The following TCF3 variants were observed in gnomAD, a reference collection of about 807,000 sequenced individuals.
TCF3 encodes the protein transcription factor E2-alpha.
TCF3 carries 54 observed loss-of-function variants against 72.3 expected under a neutral mutation model. The observed-to-expected ratio is 0.75, with a 90% CI of 0.60 to 0.94. TCF3 has a LOEUF of 0.94. Among genes scored for constraint, TCF3 ranks in the 40% least tolerant of loss-of-function variants. TCF3 has a pLI of 0.00. For missense variants in TCF3, 1,078 were observed against 934.4 expected, an observed-to-expected ratio of 1.15 and a Z score of -2.00; for synonymous variants, 525 against 412.6, an observed-to-expected ratio of 1.27 and a Z score of -3.30.
At chr19:1,635,695 A>G (rs2145104040) in intron 3 of TCF3, among the ~76,000 whole-genome samples, 1 of 152,332 alleles carries the variant, frequency 6.6e-6, no homozygotes, top group East Asian at 1.9e-4. Context: ...CGGGGACCAC[A>G]CTACCAACTG....
At chr19:1,648,428 G>T (rs2066467648) in intron 2 of TCF3, among the ~76,000 whole-genome samples, 1 of 152,188 alleles carries the variant, frequency 6.6e-6, no homozygotes. Context: ...CTCCGACCCG[G>T]GATGGGGAGA....
Position 1,611,174 on chromosome 19 carries a change from A to G in TCF3, c.*533T>C, listed in dbSNP as rs1414148197. On this transcript the variant is annotated 3_prime_UTR_variant, in exon 19 of 19. Coordinates refer to ENST00000262965, the MANE Select transcript of TCF3 (RefSeq NM_003200.5). ...TACATTAAGAAAAAAAAAATCTTGT[A>G]ACTAATGTTTTTATTTTCCTTAAAA... The G allele has an allele frequency of 4.1e-6, 1 of 245,116 alleles. No individual in the cohort carries two copies. Among genetic ancestry groups the G allele is most frequent in the African/African-American group, 2.2e-5 (1 of 45,766 alleles). 15.2% of individuals were successfully genotyped at this position (245,116 alleles called of 1,614,324 possible). A position where few individuals can be genotyped will look rare whatever the true frequency, so the allele number is the denominator to read the frequency against.
chr19:1,652,559 C>T lies in TCF3; in HGVS notation c.-299G>A, dbSNP rs1039321314. 1 of 146,036 alleles carries T rather than the reference C, an allele frequency of 6.8e-6. No homozygotes were observed. Among genetic ancestry groups the T allele is most frequent in the Admixed American group, 6.8e-5 (1 of 14,758 alleles). 9.0% of individuals were successfully genotyped at this position (146,036 alleles called of 1,614,324 possible). The stretch of plus-strand genomic sequence containing the variant: ...GCCCGCCGCCGCGTCGGCTCCGGCC[C>T]GCTACGCCCGCAGCCGCCGCCGCTG... On this transcript the variant is annotated 5_prime_UTR_variant, in exon 1 of 19. Transcript: ENST00000262965.
intron 2 of TCF3, among the ~76,000 whole-genome samples, chr19:1,649,007 C>A (rs1032651648): frequency 6.6e-6 from 1 of 152,248 alleles, no homozygotes; most frequent in African/African-American, 2.4e-5. Flanking sequence ...TCCAGCCTCA[C>A]TGCACCTGCC....
intron 2 of TCF3, among the ~76,000 whole-genome samples, chr19:1,647,510 C>G (rs1055676786): frequency 6.6e-6 from 1 of 152,188 alleles, no homozygotes; most frequent in Non-Finnish European, 1.5e-5. Context: ...GAAGGGGAAA[C>G]GGAGGCCGCA....
chr19:1,618,485 C>T (rs1054330105), intron 16 of TCF3, among the ~76,000 whole-genome samples: 11 of 152,100 alleles, frequency 7.2e-5, no homozygotes, highest in African/African-American at 2.2e-4. Context: ...CACAAGGCCC[C>T]GCATGACCTG....
Position 1,620,970 on chromosome 19 carries a change from G to T in TCF3, c.1091C>A (p.Ala364Glu). ...CTCCCCCCAAAACCCTCACAGACCT[G>T]CCAGGCCCTGGGGGGAGCCCACGGG... Reference protein sequence around the residue: ...STPVGSPQGLAGTSQWPRAGA... With the variant: ...STPVGSPQGLEGTSQWPRAGA... Residue 364 changes from alanine to glutamate, a missense_variant and splice_region_variant, in exon 13 of 19, where the codon GCA becomes GAA. Physicochemically the swap from Ala to Glu is moderately radical, Grantham distance 107 (BLOSUM62 -1). Transcript: ENST00000262965. The T allele has an allele frequency of 6.7e-7, 1 of 1,487,938 alleles. No individual in the cohort carries two copies. The highest frequency in any genetic ancestry group is 1.4e-5 in the African/African-American group (1 of 69,414). The allele number at this position is 1,487,938 out of a possible 1,614,324, so 92.2% of individuals were successfully genotyped here.
intron 3 of TCF3, among the ~76,000 whole-genome samples, chr19:1,641,190 G>C (rs528347315): frequency 4.6e-4 from 69 of 149,766 alleles, no homozygotes; most frequent in Non-Finnish European, 6.5e-4. Context: ...TAATGAGGCA[G>C]CAATAAAAAG....
chr19:1,617,352 C>A (rs760507596), intron 16 of TCF3, among the ~76,000 whole-genome samples: 3 of 152,258 alleles, frequency 2.0e-5, no homozygotes, highest in Admixed American at 2.0e-4. Context: ...ACCCCACACA[C>A]AACATAAGCC....
chr19:1,651,545 A>T (rs2067061200), intron 1 of TCF3, among the ~76,000 whole-genome samples: 1 of 152,186 alleles, frequency 6.6e-6, no homozygotes, highest in African/African-American at 2.4e-5. Flanking sequence ...TAAAACGGGC[A>T]TTCTACGGGA....
chr19:1,619,745 G>C, intron 14 of TCF3, 35 bp downstream of exon 14: 1 of 1,395,438 alleles, frequency 7.2e-7, no homozygotes, highest in East Asian at 2.6e-5. Flanking sequence ...AAATTCTGTC[G>C]GGGAAGGGTG....
chr19:1,614,657 G>A lies in TCF3; in HGVS notation c.1822+628C>T, dbSNP rs1368224189. On this transcript the variant is annotated intron_variant, in intron 18 of 18. Transcript: ENST00000262965. This position sits in a 1 kb window ranked among gnomAD's most constrained non-coding sequence, Gnocchi z 5.6. ...GTTAACGGGGTGCAGGCGAGGAAAG[G>A]AAGGAGTTAAGGAAGCAGCCGCCAG... Among the ~76,000 whole-genome samples the A allele has an allele frequency of 6.6e-6, 1 of 152,154 alleles. No homozygotes were observed. The highest frequency in any genetic ancestry group is 1.5e-5 in the Non-Finnish European group (1 of 68,012).
intron 3 of TCF3, among the ~76,000 whole-genome samples, chr19:1,645,564 C>A (rs892127943): frequency 6.6e-6 from 1 of 152,238 alleles, no homozygotes; most frequent in Non-Finnish European, 1.5e-5. Context: ...GCTCCCACGG[C>A]CCCTTCCTCT....
rs151201683 is a variant in TCF3, at chr19:1,613,711, G to A, written c.1822+1574C>T. On this transcript the variant is annotated intron_variant, in intron 18 of 18. Coordinates refer to ENST00000262965, the MANE Select transcript of TCF3 (RefSeq NM_003200.5). ...TGGAGCAAACCAGCTCCCATCCCCC[G>A]AGACCCCCACACCCTGGGGAGGAGC... Among the ~76,000 whole-genome samples the A allele has an allele frequency of 1.3e-3, 204 of 152,184 alleles. 1 individual carries two copies. The highest frequency in any genetic ancestry group is 4.6e-3 in the African/African-American group (190 of 41,510).
intron 3 of TCF3, among the ~76,000 whole-genome samples, chr19:1,636,040 C>T (rs1333089972): frequency 6.6e-6 from 1 of 152,222 alleles, no homozygotes; most frequent in Non-Finnish European, 1.5e-5. Context: ...GGGTCTGGCC[C>T]CTGCAGCTTG....
In TCF3 at chr19:1,611,749, G is replaced by A; in HGVS notation, c.1923C>T (p.His641=). 1.2e-6 allele frequency: 2 copies of A among 1,613,852 alleles called. No homozygotes were observed. Among genetic ancestry groups the A allele is most frequent in the Non-Finnish European group, 1.7e-6 (2 of 1,179,984 alleles). The change falls in exon 19 of 19, where the codon CAC becomes CAT. Residue 641 remains histidine, a synonymous_variant. Coordinates refer to ENST00000262965, the MANE Select transcript of TCF3 (RefSeq NM_003200.5). ...GDPQMVLSAP[H]PGLSEAHNPA... is the part of the protein sequence containing the mutation. ...GGTTGTGGGCTTCGCTCAGGCCTGG[G>A]TGGGGAGCTGAAAGCACCATCTGGG...
chr19:1,643,956 C>A (rs763272960), intron 3 of TCF3, among the ~76,000 whole-genome samples: 5 of 152,184 alleles, frequency 3.3e-5, no homozygotes, highest in African/African-American at 2.4e-5. Context: ...GGACTCCTGG[C>A]GAAGGGTGGC....
chr19:1,611,740 C>G lies in TCF3; in HGVS notation c.1932G>C (p.Leu644=), dbSNP rs552566095. Residue 644 remains leucine, a synonymous_variant, in exon 19 of 19, where the codon CTG becomes CTC. Coordinates refer to ENST00000262965, the MANE Select transcript of TCF3 (RefSeq NM_003200.5). ...GCCCGGCGGGGTTGTGGGCTTCGCT[C>G]AGGCCTGGGTGGGGAGCTGAAAGCA... ...QMVLSAPHPG[L]SEAHNPAGHM The G allele has an allele frequency of 3.0e-5, 48 of 1,613,678 alleles. No homozygotes were observed. In the East Asian group the frequency reaches 1.0e-3, roughly 34 times the overall value.
At position 1,610,105 on chromosome 19, in the gene TCF3, C is replaced by CT; in HGVS notation, c.*1601dup. The CT allele has an allele frequency of 4.3e-6, 1 of 232,696 alleles. No homozygotes were observed. The highest frequency in any genetic ancestry group is 8.5e-6 in the Non-Finnish European group (1 of 117,748). 14.4% of individuals were successfully genotyped at this position (232,696 alleles called of 1,614,324 possible). On this transcript the variant is annotated 3_prime_UTR_variant, in exon 19 of 19. Coordinates refer to ENST00000262965, the MANE Select transcript of TCF3 (RefSeq NM_003200.5). ...ACAGTCCCCAGCCAGCTGGGAAGAG[C>CT]TGGTTACCCTCATGGCAAAAGACCA...
Sources: allele counts gnomAD v4.1 joint callset (sites outside exome capture counted in the v4.1 genomes callset), GRCh38; gene constraint gnomAD v4.1.1; non-coding constraint Gnocchi (gnomAD v3.1); transcripts MANE v1.5; gene names NCBI Gene and HGNC (gene_info 2026-07-23, HGNC 2026-07-21).